ZZZ3: variants seen among roughly 807,000 people sequenced by gnomAD.
The protein encoded by ZZZ3 is ZZ-type zinc finger-containing protein 3.
In ZZZ3, 22 loss-of-function variants were observed where a neutral mutation model predicts 95.2. The observed-to-expected ratio is 0.23, with a 90% confidence interval of 0.17 to 0.33. The LOEUF is 0.33. ZZZ3 is among the 10% of genes least tolerant of loss of function. The probability of loss-of-function intolerance (pLI) is 1.00; values close to 1 mark genes in which losing one functional copy is unlikely to be tolerated. For synonymous variants in ZZZ3, 335 were observed against 358.9 expected (o/e 0.93, Z 0.75); for missense variants, 885 against 1,066.5 (o/e 0.83, Z 2.37).
intron 5 of ZZZ3, among the ~76,000 whole-genome samples, chr1:77,607,764 A>T (rs1477263310): frequency 6.6e-6 from 1 of 152,080 alleles, no homozygotes; most frequent in Non-Finnish European, 1.5e-5. Context: ...TCTCCTAAAA[A>T]TACAAAAATT....
intron 5 of ZZZ3, among the ~76,000 whole-genome samples, chr1:77,614,242 T>C (rs1011356466): frequency 2.0e-5 from 3 of 152,208 alleles, no homozygotes; most frequent in African/African-American, 7.2e-5. Context: ...TAAAACCGGA[T>C]GCCTCTCCTA....
chr1:77,596,870 G>A (rs1664262110), intron 5 of ZZZ3, among the ~76,000 whole-genome samples: 2 of 152,198 alleles, frequency 1.3e-5, no homozygotes, highest in African/African-American at 4.8e-5. Flanking sequence ...GATTAGAGTT[G>A]GGAGTCATTA....
chr1:77,632,990 C>A lies in ZZZ3; in HGVS notation c.365G>T (p.Cys122Phe), dbSNP rs763363662. Reference protein sequence around the residue: ...VSPVLKRIKRCLRSEAPNSSE... With the variant: ...VSPVLKRIKRFLRSEAPNSSE... ...ACTGTTTGGTGCTTCAGATCTAAGA[C>A]AACGCTTAATTCTTTTTAAAACTGG... Residue 122 changes from cysteine to phenylalanine, a missense_variant, in exon 5 of 15, where the codon TGT (cysteine) becomes TTT (phenylalanine). Coordinates refer to ENST00000370801, the MANE Select transcript of ZZZ3 (RefSeq NM_015534.6). 6 of 1,613,930 alleles carry A rather than the reference C, an allele frequency of 3.7e-6. No individual in the cohort carries two copies. In the Admixed American group the frequency reaches 1.0e-4, roughly 27 times the overall value.
intron 12 of ZZZ3, among the ~76,000 whole-genome samples, chr1:77,569,892 A>T (rs1182562557): frequency 2.0e-5 from 3 of 151,982 alleles, no homozygotes; most frequent in Non-Finnish European, 4.4e-5. Flanking sequence ...TTGCTACCTT[A>T]TGACTGATCC....
chr1:77,616,190 T>C (rs1020369653), intron 5 of ZZZ3, among the ~76,000 whole-genome samples: 1 of 152,170 alleles, frequency 6.6e-6, no homozygotes, highest in African/African-American at 2.4e-5. Context: ...TCATACTTAT[T>C]ATCATTAGTG....
At chr1:77,667,571 A>C (rs1303223041) in intron 1 of ZZZ3, among the ~76,000 whole-genome samples, 1 of 151,982 alleles carries the variant, frequency 6.6e-6, no homozygotes, top group Admixed American at 6.6e-5. Context: ...TAGCCTACCT[A>C]CATTCCTAAT....
At chr1:77,665,879 T>C (rs1045186963) in intron 1 of ZZZ3, among the ~76,000 whole-genome samples, 3 of 151,818 alleles carry the variant, frequency 2.0e-5, no homozygotes, top group African/African-American at 7.3e-5. Context: ...CAGTCTCCAC[T>C]AAGATAAAAA....
At position 77,616,646 on chromosome 1, in the gene ZZZ3, C is replaced by T. The variant is rs576625915; in HGVS notation, c.1505+15204G>A. On this transcript the variant is annotated intron_variant, in intron 5 of 14. Coordinates refer to ENST00000370801, the MANE Select transcript of ZZZ3 (RefSeq NM_015534.6). Reference sequence around the variant, plus strand: ...TTGGGAGGTCGAGGTGGGTGGATCACGAGGTCAGGAGTTCAAGACCAGTCT... The same window carrying T: ...TTGGGAGGTCGAGGTGGGTGGATCATGAGGTCAGGAGTTCAAGACCAGTCT... 1.9e-3 allele frequency among the ~76,000 whole-genome samples: 287 copies of T among 152,190 alleles called. 4 individuals are homozygous for T. Among genetic ancestry groups the T allele is most frequent in the African/African-American group, 6.6e-3 (273 of 41,516 alleles).
chr1:77,582,479 A>C (rs943197337), intron 6 of ZZZ3, among the ~76,000 whole-genome samples: 1 of 152,114 alleles, frequency 6.6e-6, no homozygotes, highest in Non-Finnish European at 1.5e-5. Context: ...AACTAGGAGG[A>C]ATTTTTTATA....
Position 77,657,697 on chromosome 1 carries a change from T to C in ZZZ3, c.-402-16042A>G, listed in dbSNP as rs138636021. Among the ~76,000 whole-genome samples, 251 of 152,306 alleles carry C rather than the reference T, an allele frequency of 1.6e-3. 1 individual carries two copies. Among genetic ancestry groups the C allele is most frequent in the Non-Finnish European group, 2.9e-3 (196 of 68,030 alleles). ...AACAGACTATAGTCATCCCTCAGTA[T>C]ACGTGGGGGGGATTGGTTCTAGGAC... On this transcript the variant is annotated intron_variant, in intron 1 of 14. Transcript: ENST00000370801.
At chr1:77,663,791 C>G (rs1187678036) in intron 1 of ZZZ3, among the ~76,000 whole-genome samples, 1 of 151,626 alleles carries the variant, frequency 6.6e-6, no homozygotes, top group Non-Finnish European at 1.5e-5. Context: ...TTTTGTTGCC[C>G]AGGCTGGAGT....
In ZZZ3 at chr1:77,637,411, TA is replaced by T. The variant is rs561580347; in HGVS notation, c.-52+2037del. Among the ~76,000 whole-genome samples the T allele has an allele frequency of 1.5e-3, 223 of 152,336 alleles. 2 individuals are homozygous for T. The highest frequency in any genetic ancestry group is 5.1e-3 in the African/African-American group (213 of 41,586). On this transcript the variant is annotated intron_variant, in intron 4 of 14. Coordinates refer to ENST00000370801, the MANE Select transcript of ZZZ3 (RefSeq NM_015534.6). ...TCCCTCTGATCATTTTTTTCTGTTC[TA>T]ACCTTTTTCTTCATATCTTTTCTAT...
intron 1 of ZZZ3, among the ~76,000 whole-genome samples, chr1:77,642,992 G>A (rs79720016): frequency 0.013 from 2,039 of 151,944 alleles, 41 homozygotes; most frequent in African/African-American, 0.047. Context: ...CAGAAGGATC[G>A]CTTGAGCCTA....
chr1:77,609,705 G>A (rs1024399595), intron 5 of ZZZ3, among the ~76,000 whole-genome samples: 8 of 151,886 alleles, frequency 5.3e-5, no homozygotes, highest in Admixed American at 1.3e-4. Context: ...TGATCACAAT[G>A]GAATAAAACT....
intron 12 of ZZZ3, among the ~76,000 whole-genome samples, 175 bp from the exon 13 acceptor site, chr1:77,568,641 C>CTTT (rs11355685): frequency 1.6e-5 from 2 of 125,870 alleles, no homozygotes; most frequent in Non-Finnish European, 3.3e-5. Flanking sequence ...TGCTTTTGGA[C>CTTT]TTTTTTTTTT....
rs368196270 is a variant in ZZZ3, at chr1:77,603,296, C to G, written c.1506-18641G>C. On this transcript the variant is annotated intron_variant, in intron 5 of 14. Transcript: ENST00000370801. ...GTTTTACCATGTTGCCCAGACTGGT[C>G]TTAAACTCCCGGGCTCAAGTGATCC... Among the ~76,000 whole-genome samples the G allele has an allele frequency of 2.0e-4, 30 of 152,294 alleles. 1 individual carries two copies. Among genetic ancestry groups the G allele is most frequent in the African/African-American group, 6.7e-4 (28 of 41,556 alleles).
chr1:77,656,685 T>G (rs762997855), intron 1 of ZZZ3, among the ~76,000 whole-genome samples: 1 of 152,168 alleles, frequency 6.6e-6, no homozygotes, highest in African/African-American at 2.4e-5. Context: ...CACAAAAATT[T>G]TTACCAGCAT....
intron 1 of ZZZ3, among the ~76,000 whole-genome samples, chr1:77,678,832 G>A (rs891700975): frequency 6.6e-6 from 1 of 152,102 alleles, no homozygotes; most frequent in Non-Finnish European, 1.5e-5. Flanking sequence ...ATTTTTTTAT[G>A]TCCAGGATTG....
intron 1 of ZZZ3, among the ~76,000 whole-genome samples, chr1:77,660,114 G>A (rs1222840302): frequency 6.6e-6 from 1 of 152,184 alleles, no homozygotes; most frequent in African/African-American, 2.4e-5. Flanking sequence ...TTACAGGCAT[G>A]AGCCACTGTG....
Sources: gnomAD v4.1 joint callset for allele counts (sites outside exome capture counted in the v4.1 genomes callset) on GRCh38, gnomAD v4.1.1 for gene constraint, MANE v1.5 for transcripts, NCBI Gene and HGNC (gene_info 2026-07-23, HGNC 2026-07-21) for gene names.